TAOK2: variants seen among roughly 807,000 people sequenced by gnomAD.
TAOK2 encodes the protein serine/threonine-protein kinase TAO2.
TAOK2 carries 42 observed loss-of-function variants against 122.5 expected under a neutral mutation model. The observed-to-expected ratio is 0.34, with a 90% CI of 0.27 to 0.44. The LOEUF (loss-of-function observed/expected upper bound fraction) is 0.44, where lower values mean the gene tolerates loss of function less well. Ranked by LOEUF, TAOK2 falls within the 20% of genes least tolerant of loss-of-function variation. TAOK2 has a pLI of 1.00. For missense variants in TAOK2, 1,264 were observed against 1,644.9 expected (o/e 0.77, Z 4.01); for synonymous variants, 704 against 677.6 (o/e 1.04, Z -0.61).
downstream of TAOK2, chr16:29,991,026 CCT>C: frequency 6.3e-7 from 1 of 1,580,612 alleles, no homozygotes; most frequent in Non-Finnish European, 8.6e-7. This position sits in a 1 kb window ranked among gnomAD's most constrained non-coding sequence, Gnocchi z 5.6. Context: ...CCGACTCTAA[CCT>C]CTGTTCCGGA....
chr16:29,985,468 G>A lies in TAOK2; in HGVS notation c.1678G>A (p.Glu560Lys), dbSNP rs776843842. 5.0e-6 allele frequency: 8 copies of A among 1,612,596 alleles called. No homozygotes were observed. The Admixed American group carries it at 5.0e-5, about 10-fold the overall frequency. ...GAAGGAGGCACGAGCTGCCCAGGCC[G>A]AGGAGCGGAAGTTCCAGCAGCACAT... ...GEKEARAAQA[E>K]ERKFQQHILG... is the part of the protein sequence containing the mutation. Residue 560 changes from glutamate (E) to lysine (K), a missense_variant, in exon 14 of 16, where the codon GAG becomes AAG. Transcript: ENST00000308893. The surrounding 1 kb of genome is among the most constrained non-coding windows in gnomAD (Gnocchi z 6.9).
At chr16:29,991,139 T>G, downstream of TAOK2, 1 of 1,610,092 alleles carries the variant, frequency 6.2e-7, no homozygotes, top group Non-Finnish European at 8.5e-7. The surrounding 1 kb of genome is among the most constrained non-coding windows in gnomAD (Gnocchi z 5.6). Context: ...AGGCCTTCGA[T>G]GCGGAAAGCA....
At chr16:29,974,815 C>CCTTCCT (rs766689205) in intron 1 of TAOK2, among the ~76,000 whole-genome samples, 167 bp downstream of exon 1, 4 of 152,122 alleles carry the variant, frequency 2.6e-5, no homozygotes, top group Admixed American at 6.5e-5. Context: ...ACCCCCTTCC[C>CCTTCCT]CTTCCTCTTC....
At position 29,979,875 on chromosome 16, in the gene TAOK2, C is replaced by G. The variant is rs760339767; in HGVS notation, c.655+367C>G. Among the ~76,000 whole-genome samples, 3 of 152,138 alleles carry G rather than the reference C, an allele frequency of 2.0e-5. No individual in the cohort carries two copies. The highest frequency in any genetic ancestry group is 2.9e-5 in the Non-Finnish European group (2 of 68,024). On this transcript the variant is annotated intron_variant, in intron 8 of 15. Coordinates refer to ENST00000308893, the MANE Select transcript of TAOK2 (RefSeq NM_016151.4). This position sits in a 1 kb window ranked among gnomAD's most constrained non-coding sequence, Gnocchi z 4.1. Reference sequence around the variant, plus strand: ...GCATGTTTTCTTTCAATGTGATGAACGCTGTGTGGAGAAGTTACAGGAGCG... The same window carrying G: ...GCATGTTTTCTTTCAATGTGATGAAGGCTGTGTGGAGAAGTTACAGGAGCG...
At chr16:29,991,500 G>A (rs758475419), downstream of TAOK2, 19 of 1,478,502 alleles carry the variant, frequency 1.3e-5, no homozygotes, top group Admixed American at 5.2e-5. This position sits in a 1 kb window ranked among gnomAD's most constrained non-coding sequence, Gnocchi z 5.6. Context: ...CGCGGTGCCC[G>A]GGCCCCTGAG....
intron 13 of TAOK2, among the ~76,000 whole-genome samples, chr16:29,984,044 C>T (rs2069705056): frequency 6.6e-6 from 1 of 152,136 alleles, no homozygotes; most frequent in Non-Finnish European, 1.5e-5. Context: ...GTGTCCAGTG[C>T]TGGGGAGCCC....
chr16:29,976,077 A>G (rs1372738343), intron 1 of TAOK2, among the ~76,000 whole-genome samples: 1 of 152,146 alleles, frequency 6.6e-6, no homozygotes, highest in Admixed American at 6.5e-5. Flanking sequence ...GTTTGTTGTT[A>G]TTATGGGGAA....
rs1043285795 is a variant in TAOK2 at position 29,974,098 on chromosome 16, G to A, written c.-586G>A. The A allele has an allele frequency of 6.6e-6, 1 of 152,254 alleles. No homozygotes were observed. The highest frequency in any genetic ancestry group is 2.4e-5 in the African/African-American group (1 of 41,464). The allele number at this position is 152,254 out of a possible 1,614,324, so 9.4% of individuals were successfully genotyped here. A position where few individuals can be genotyped will look rare whatever the true frequency, so the allele number is the denominator to read the frequency against. On this transcript the variant is annotated 5_prime_UTR_variant, in exon 1 of 16. Coordinates refer to ENST00000308893, the MANE Select transcript of TAOK2 (RefSeq NM_016151.4). ...CGGACCCCGGCGTGAGAGGGGCCGT[G>A]CGGCCGGACGTCCTCGGGGTGGGCC...
intron 1 of TAOK2, among the ~76,000 whole-genome samples, chr16:29,977,319 G>A (rs900372909): frequency 6.6e-5 from 10 of 152,260 alleles, no homozygotes; most frequent in African/African-American, 1.7e-4. Context: ...GGGCCTCAGC[G>A]CCAAGGGGAA....
downstream of TAOK2, chr16:29,989,485 C>T: frequency 1.3e-6 from 2 of 1,549,688 alleles, no homozygotes; most frequent in Non-Finnish European, 1.7e-6. Flanking sequence ...CTCTCCTCTT[C>T]TCTCTCTTCT....
In TAOK2 at chr16:29,987,245, C is replaced by T; in HGVS notation, c.2973C>T (p.Ala991=). 2 of 1,534,148 alleles carry T rather than the reference C, an allele frequency of 1.3e-6. No homozygotes were observed. Among genetic ancestry groups the T allele is most frequent in the South Asian group, 2.6e-5 (2 of 76,510 alleles). Residue 991 remains alanine (A), a synonymous_variant, in exon 16 of 16, where the codon GCC becomes GCT. Transcript: ENST00000308893. ...GGGGLQAALL[A]LEVGLVGLGA... ...GTGGCCTGCAGGCAGCGCTGCTGGC[C>T]CTTGAGGTGGGGCTGGTGGGTCTGG...
rs763722316 is a variant in TAOK2, at chr16:29,979,313, G to GT, written c.563+6dup. ...CTTCGTGGGCACCCCATACTGGTGA[G>GT]TGAGTGAGTGGTGGTGAGTGGAGAG... On this transcript the variant is annotated splice_donor_region_variant and intron_variant, in intron 7 of 15. Transcript: ENST00000308893. The surrounding 1 kb of genome is among the most constrained non-coding windows in gnomAD (Gnocchi z 4.1). 8.1e-6 allele frequency: 13 copies of GT among 1,613,950 alleles called. No homozygotes were observed. Among genetic ancestry groups the GT allele is most frequent in the African/African-American group, 1.3e-5 (1 of 74,914 alleles).
At position 29,978,243 on chromosome 16, in the gene TAOK2, A is replaced by C. The variant is rs1246244755; in HGVS notation, c.205-9A>C. ...AGCTGGGTAACCTCTGCCTACCCTG[A>C]CCCCCTAGAAATGGCAAGACATCAT... On this transcript the variant is annotated splice_polypyrimidine_tract_variant and intron_variant, in intron 3 of 15. Coordinates refer to ENST00000308893, the MANE Select transcript of TAOK2 (RefSeq NM_016151.4). 1.2e-6 allele frequency: 2 copies of C among 1,613,572 alleles called. No individual in the cohort carries two copies. The highest frequency in any genetic ancestry group is 2.7e-5 in the African/African-American group (2 of 74,746).
rs1164935680 is a variant in TAOK2, at chr16:29,986,870, G to T, written c.2598G>T (p.Glu866Asp). The change falls in exon 16 of 16, where the codon GAG becomes GAT. Residue 866 changes from glutamate to aspartate, a missense_variant. By Grantham distance (45) the Glu-to-Asp change is conservative (BLOSUM62 2). Transcript: ENST00000308893. The surrounding 1 kb of genome is among the most constrained non-coding windows in gnomAD (Gnocchi z 4.2). Reference protein sequence around the residue: ...PQERSIVGQEEAGTWSLWGKE... With the variant: ...PQERSIVGQEDAGTWSLWGKE... ...AGAGGAGCATTGTTGGCCAGGAGGA[G>T]GCTGGGACATGGAGCTTGTGGGGGA... The T allele has an allele frequency of 1.2e-6, 2 of 1,613,940 alleles. No individual in the cohort carries two copies. Among genetic ancestry groups the T allele is most frequent in the Admixed American group, 1.7e-5 (1 of 59,998 alleles).
At position 29,983,299 on chromosome 16, in the gene TAOK2, C is replaced by A; in HGVS notation, c.1227C>A (p.Val409=). 1 of 1,602,394 alleles carries A rather than the reference C, an allele frequency of 6.2e-7. No homozygotes were observed. Among genetic ancestry groups the A allele is most frequent in the Non-Finnish European group, 8.5e-7 (1 of 1,179,236 alleles). Residue 409 remains valine, a synonymous_variant, in exon 12 of 16, where the codon GTC becomes GTA. Coordinates refer to ENST00000308893, the MANE Select transcript of TAOK2 (RefSeq NM_016151.4). ...MAMMQEGEHT[V]TSHSSIIHRL... ...TGATGCAGGAGGGGGAGCACACAGT[C>A]ACCTCTCACAGCTCCATTATCCACC...
chr16:29,979,138 G>A lies in TAOK2; in HGVS notation c.450-57G>A. The A allele has an allele frequency of 1.2e-6, 2 of 1,613,044 alleles. No individual in the cohort carries two copies. Among genetic ancestry groups the A allele is most frequent in the Non-Finnish European group, 1.7e-6 (2 of 1,179,018 alleles). The stretch of plus-strand genomic sequence containing the variant: ...GCACCACCTGTCACTTAGCTGGGCT[G>A]CCCCTGCCTAGCTTTCTTGAGACAC... On this transcript the variant is annotated intron_variant, in intron 6 of 15. Transcript: ENST00000308893. This position sits in a 1 kb window ranked among gnomAD's most constrained non-coding sequence, Gnocchi z 4.1.
At position 29,986,340 on chromosome 16, in the gene TAOK2, C is replaced by A; in HGVS notation, c.2068C>A (p.Leu690Met). The A allele has an allele frequency of 6.3e-7, 1 of 1,581,420 alleles. No homozygotes were observed. The highest frequency in any genetic ancestry group is 8.6e-7 in the Non-Finnish European group (1 of 1,161,580). Residue 690 changes from leucine to methionine, a missense_variant, in exon 16 of 16, where the codon CTG becomes ATG. Leu to Met is a conservative substitution (Grantham distance 15). Around this residue, in one of 4 missense-constraint regions of TAOK2, gnomAD observed 824 missense variants for 908.7 expected, o/e 0.91. Coordinates refer to ENST00000308893, the MANE Select transcript of TAOK2 (RefSeq NM_016151.4). The surrounding 1 kb of genome is among the most constrained non-coding windows in gnomAD (Gnocchi z 4.2). ...TCGGCAGCACGAGGCCACGCGGGAG[C>A]TGGAGCTGCGGCAGCTCCAGGCCGT... ...LLRQHEATRE[L>M]ELRQLQAVQR...
rs4077410 is a variant in TAOK2 at position 29,986,879 on chromosome 16, A to T, written c.2607A>T (p.Thr869=). 6.2e-6 allele frequency: 10 copies of T among 1,613,606 alleles called. No individual in the cohort carries two copies. The highest frequency in any genetic ancestry group is 1.3e-5 in the African/African-American group (1 of 74,892). ...TTGTTGGCCAGGAGGAGGCTGGGAC[A>T]TGGAGCTTGTGGGGGAAGGAGGATG... is the stretch of plus-strand genomic sequence containing the variant. ...RSIVGQEEAG[T]WSLWGKEDES... is the part of the protein sequence containing the mutation. Residue 869 remains threonine (T), a synonymous_variant, in exon 16 of 16, where the codon ACA becomes ACT. Coordinates refer to ENST00000308893, the MANE Select transcript of TAOK2 (RefSeq NM_016151.4). The surrounding 1 kb of genome is among the most constrained non-coding windows in gnomAD (Gnocchi z 4.2).
intron 13 of TAOK2, among the ~76,000 whole-genome samples, chr16:29,984,132 C>T (rs183130767): frequency 1.1e-4 from 17 of 152,332 alleles, no homozygotes; most frequent in African/African-American, 3.8e-4. Context: ...CCCCAGAGGG[C>T]AGGGATGGTG....
Sources: allele counts gnomAD v4.1 joint callset (sites outside exome capture counted in the v4.1 genomes callset), GRCh38; gene constraint gnomAD v4.1.1; regional missense constraint gnomAD v4.1.1; non-coding constraint Gnocchi (gnomAD v3.1); transcripts MANE v1.5; gene names NCBI Gene and HGNC (gene_info 2026-07-23, HGNC 2026-07-21).